MALRD1: variants seen among roughly 807,000 people sequenced by gnomAD.
MALRD1 encodes MAM and LDL-receptor class A domain-containing protein 1.
MALRD1 carries 247 observed loss-of-function variants against 242.1 expected under a neutral mutation model. The observed-to-expected ratio is 1.02, with a 90% CI of 0.92 to 1.13. The LOEUF is 1.13. MALRD1 is among the 50% of genes most tolerant of loss of function. MALRD1 has a pLI of 0.00. For missense variants in MALRD1, 2,989 were observed against 2,533.1 expected (o/e 1.18, Z -3.86); for synonymous variants, 995 against 866.6 (o/e 1.15, Z -2.60).
rs766925058 is a variant in MALRD1, at chr10:19,352,295, C to T, written c.4439C>T (p.Thr1480Ile). The T allele has an allele frequency of 2.7e-6, 4 of 1,489,236 alleles. No individual in the cohort carries two copies. The South Asian group carries it at 4.9e-5, about 18-fold the overall frequency. The allele number at this position is 1,489,236 out of a possible 1,614,324, so 92.3% of individuals were successfully genotyped here. The change falls in exon 26 of 40, where the codon ACA becomes ATA. Residue 1480 changes from threonine to isoleucine, a missense_variant and splice_region_variant. Physicochemically the swap from Thr to Ile is moderately conservative, Grantham distance 89. Coordinates refer to ENST00000454679, the MANE Select transcript of MALRD1 (RefSeq NM_001142308.3). Reference sequence around the variant, plus strand: ...GAAGAACTGGCAGTGCCTCTTCCAACAGGTACATTCTAATCTGTGTGTGTG... The same window carrying T: ...GAAGAACTGGCAGTGCCTCTTCCAATAGGTACATTCTAATCTGTGTGTGTG... ...VQEELAVPLP[T>I]GFCPLGYREC...
rs1320210733 is a variant in MALRD1, at chr10:19,450,541, A to G, written c.5029+51A>G. 5 of 1,449,326 alleles carry G rather than the reference A, an allele frequency of 3.4e-6. No individual in the cohort carries two copies. In the African/African-American group the frequency reaches 4.3e-5, roughly 12 times the overall value. The allele number at this position is 1,449,326 out of a possible 1,614,324, so 89.8% of individuals were successfully genotyped here. A position where few individuals can be genotyped will look rare whatever the true frequency, so the allele number is the denominator to read the frequency against. On this transcript the variant is annotated intron_variant, in intron 29 of 39. Coordinates refer to ENST00000454679, the MANE Select transcript of MALRD1 (RefSeq NM_001142308.3). ...TTGGAAGCACATTTTTAATCTAGCCATTTTATTTTTGTTACACAAGTTTAC... is the reference window on the plus strand; with the variant it reads ...TTGGAAGCACATTTTTAATCTAGCCGTTTTATTTTTGTTACACAAGTTTAC...
At position 19,101,983 on chromosome 10, in the gene MALRD1, TATA is replaced by T. The variant is rs1041823908; in HGVS notation, c.598-1992_598-1990del. Among the ~76,000 whole-genome samples, 137 of 45,404 alleles carry T rather than the reference TATA, an allele frequency of 3.0e-3. 1 individual carries two copies. The highest frequency in any genetic ancestry group is 8.1e-3 in the African/African-American group (130 of 16,140). 29.8% of individuals were successfully genotyped at this position (45,404 alleles called of 152,430 possible). ...ATAATATATGTTAATTTATATATGT[TATA>T]ATATAATTATAACATATATCTATAT... On this transcript the variant is annotated intron_variant, in intron 4 of 39. Transcript: ENST00000454679.
At chr10:19,055,245 G>C (rs962432898) in intron 1 of MALRD1, among the ~76,000 whole-genome samples, 1 of 152,156 alleles carries the variant, frequency 6.6e-6, no homozygotes, top group South Asian at 2.1e-4. Context: ...TTTAAATCAG[G>C]ATATTATTTT....
Position 19,595,442 on chromosome 10 carries a change from G to A in MALRD1, c.5929G>A (p.Asp1977Asn). 4.5e-6 allele frequency: 7 copies of A among 1,549,836 alleles called. No individual in the cohort carries two copies. Among genetic ancestry groups the A allele is most frequent in the Non-Finnish European group, 6.1e-6 (7 of 1,146,510 alleles). The change falls in exon 34 of 40, where the codon GAT becomes AAT. Residue 1977 changes from aspartate (D) to asparagine (N), a missense_variant. Asp to Asn is a conservative substitution (Grantham distance 23, BLOSUM62 1). Transcript: ENST00000454679. ...DGVPDCHFNE[D>N]ELICSNKSCS... The stretch of plus-strand genomic sequence containing the variant: ...AGTGCCCGACTGCCACTTTAATGAA[G>A]ATGAGCTCATCTGCTGTGAGTTATT...
In MALRD1 at chr10:19,142,150, C is replaced by A. The variant is rs539927878; in HGVS notation, c.1412-4048C>A. On this transcript the variant is annotated intron_variant, in intron 10 of 39. Transcript: ENST00000454679. ...TTGCACCACTGCACTCCAGCCTGGG[C>A]GACAGAGCGAGACTCTAACTCAAAA... Among the ~76,000 whole-genome samples the A allele has an allele frequency of 5.2e-4, 59 of 112,820 alleles. 1 individual carries two copies. The South Asian group carries it at 0.013, about 25-fold the overall frequency. 74.0% of individuals were successfully genotyped at this position (112,820 alleles called of 152,430 possible). A position where few individuals can be genotyped will look rare whatever the true frequency, so the allele number is the denominator to read the frequency against.
intron 21 of MALRD1, among the ~76,000 whole-genome samples, chr10:19,318,175 T>C (rs572219740): frequency 6.6e-6 from 1 of 152,120 alleles, no homozygotes; most frequent in South Asian, 2.1e-4. Flanking sequence ...ATTGCAGACA[T>C]AGGCAAGTGT....
intron 10 of MALRD1, among the ~76,000 whole-genome samples, chr10:19,141,876 T>TA (rs909810208): frequency 1.4e-4 from 21 of 150,886 alleles, no homozygotes; most frequent in African/African-American, 2.9e-4. Flanking sequence ...GTCTTTCATG[T>TA]AAAAAAAAAT....
chr10:19,289,290 C>T (rs1341463554), intron 21 of MALRD1, among the ~76,000 whole-genome samples: 3 of 152,140 alleles, frequency 2.0e-5, no homozygotes, highest in Non-Finnish European at 4.4e-5. Flanking sequence ...TCTCACCCTA[C>T]CACTTTCAAT....
chr10:19,355,859 T>TATATATATATATATATATATAC (rs1348787430), intron 26 of MALRD1, among the ~76,000 whole-genome samples: 792 of 18,176 alleles, frequency 0.044, 33 homozygotes, highest in African/African-American at 0.07. Context: ...ATATATATAT[T>TATATATATATATATATATATAC]ATATATGATA....
At chr10:19,658,296 G>A (rs1025031806) in intron 36 of MALRD1, among the ~76,000 whole-genome samples, 5 of 151,956 alleles carry the variant, frequency 3.3e-5, no homozygotes, top group Non-Finnish European at 4.4e-5. Flanking sequence ...TGATATCTTC[G>A]TCTGTAAAAT....
intron 21 of MALRD1, among the ~76,000 whole-genome samples, chr10:19,319,171 G>A (rs2039515): frequency 0.87 from 132,096 of 152,106 alleles, 57,592 homozygotes; most frequent in African/African-American, 0.91. Context: ...CTTTTTTTCA[G>A]TATTTTCCTT....
chr10:19,562,111 G>T (rs1444652233), intron 32 of MALRD1, among the ~76,000 whole-genome samples: 1 of 152,016 alleles, frequency 6.6e-6, no homozygotes, highest in Admixed American at 6.6e-5. Context: ...GCCTGGCCAA[G>T]ATGGTGAAAC....
chr10:19,320,306 G>A (rs1490037733), intron 21 of MALRD1, among the ~76,000 whole-genome samples: 1 of 151,782 alleles, frequency 6.6e-6, no homozygotes, highest in South Asian at 2.1e-4. Flanking sequence ...CACTTATAAG[G>A]GAGAACATGC....
At chr10:19,474,144 C>T (rs1239143705) in intron 29 of MALRD1, among the ~76,000 whole-genome samples, 2 of 152,034 alleles carry the variant, frequency 1.3e-5, no homozygotes, top group Admixed American at 6.6e-5. Flanking sequence ...GGAGAAATAC[C>T]TACTTAAGTC....
intron 36 of MALRD1, among the ~76,000 whole-genome samples, chr10:19,626,338 T>C (rs565780376): frequency 6.7e-6 from 1 of 149,288 alleles, no homozygotes; most frequent in East Asian, 2.0e-4. Context: ...CTGCCAGGCC[T>C]TGGATTATTC....
Position 19,692,319 on chromosome 10 carries a change from A to C in MALRD1, c.6175A>C (p.Lys2059Gln), listed in dbSNP as rs1014997286. Residue 2059 changes from lysine to glutamine, a missense_variant, in exon 37 of 40, where the codon AAG becomes CAG. By Grantham distance (53) the Lys-to-Gln change is moderately conservative (BLOSUM62 1). Transcript: ENST00000454679. The stretch of plus-strand genomic sequence containing the variant: ...CTGGAAAGGAAATCGATGCCATATC[A>C]AGTTTAATCCTCCTGCTACAGACTT... ...QGWKGNRCHIKFNPPATDFTY... is the reference protein window; with the variant it reads ...QGWKGNRCHIQFNPPATDFTY... 6.5e-6 allele frequency: 10 copies of C among 1,535,262 alleles called. No homozygotes were observed. In the African/African-American group the frequency reaches 1.4e-4, roughly 21 times the overall value.
intron 28 of MALRD1, among the ~76,000 whole-genome samples, chr10:19,409,964 T>G (rs1833205252): frequency 6.6e-6 from 1 of 152,122 alleles, no homozygotes; most frequent in Non-Finnish European, 1.5e-5. Flanking sequence ...ATATAATATG[T>G]GGTGATCATG....
In MALRD1 at chr10:19,348,285, C is replaced by T. The variant is rs533073101; in HGVS notation, c.4149+267C>T. On this transcript the variant is annotated intron_variant, in intron 25 of 39. Coordinates refer to ENST00000454679, the MANE Select transcript of MALRD1 (RefSeq NM_001142308.3). ...GTTGGAAAATTCCATGGTTGTTATTCACAACCATGTATAATACAGAAGAAG... is the reference window on the plus strand; with the variant it reads ...GTTGGAAAATTCCATGGTTGTTATTTACAACCATGTATAATACAGAAGAAG... Among the ~76,000 whole-genome samples, 439 of 108,096 alleles carry T rather than the reference C, an allele frequency of 4.1e-3. 4 individuals carry two copies. The highest frequency in any genetic ancestry group is 0.016 in the African/African-American group (421 of 26,446). The allele number at this position is 108,096 out of a possible 152,430, so 70.9% of individuals were successfully genotyped here. A position where few individuals can be genotyped will look rare whatever the true frequency, so the allele number is the denominator to read the frequency against.
intron 11 of MALRD1, among the ~76,000 whole-genome samples, chr10:19,148,516 A>G (rs1207531040): frequency 6.6e-6 from 1 of 152,142 alleles, no homozygotes; most frequent in African/African-American, 2.4e-5. Context: ...TAGGAAAAAC[A>G]CCAGATAAGA....
Sources: allele counts gnomAD v4.1 joint callset (sites outside exome capture counted in the v4.1 genomes callset), GRCh38; gene constraint gnomAD v4.1.1; transcripts MANE v1.5; gene names NCBI Gene and HGNC (gene_info 2026-07-23, HGNC 2026-07-21).